USP8: variants seen among roughly 807,000 people sequenced by gnomAD.
USP8 encodes the protein ubiquitin specific peptidase 8.
Under a neutral mutation model 130.0 loss-of-function variants are expected in USP8, and 27 were observed. The observed-to-expected ratio is 0.21, with a 90% CI of 0.15 to 0.29. The LOEUF is 0.29. Ranked by LOEUF, USP8 falls within the 10% of genes least tolerant of loss-of-function variation. The pLI is 1.00. For missense variants in USP8, 1,029 were observed against 1,312.2 expected, an observed-to-expected ratio of 0.78 and a Z score of 3.33; for synonymous variants, 392 against 444.1, an observed-to-expected ratio of 0.88 and a Z score of 1.48.
At chr15:50,497,396 C>T in intron 18 of USP8, 165 bp downstream of exon 18, 1 of 741,264 alleles carries the variant, frequency 1.3e-6, no homozygotes, top group South Asian at 3.6e-5. Flanking sequence ...ACTGTTAGTT[C>T]ACCTCAGTGT....
chr15:50,441,270 A>G, intron 2 of USP8, 79 bp from the exon 3 acceptor site: 2 of 1,343,280 alleles, frequency 1.5e-6, no homozygotes, highest in South Asian at 3.3e-5. Flanking sequence ...GATAAAGATT[A>G]TCTGTGGACT....
At position 50,457,323 on chromosome 15, in the gene USP8, C is replaced by T. The variant is rs548127415; in HGVS notation, c.336-1677C>T. On this transcript the variant is annotated intron_variant, in intron 4 of 19. Transcript: ENST00000307179. Reference sequence around the variant, plus strand: ...CTGTAATCTCAGCCTTTTGGGAGGCCGAGGCAGGTGGATCACCTGAGGTCA... The same window carrying T: ...CTGTAATCTCAGCCTTTTGGGAGGCTGAGGCAGGTGGATCACCTGAGGTCA... Among the ~76,000 whole-genome samples, 20 of 151,820 alleles carry T rather than the reference C, an allele frequency of 1.3e-4. No individual in the cohort carries two copies. In the East Asian group the frequency reaches 1.4e-3, roughly 10 times the overall value.
At chr15:50,467,134 A>T (rs1343624045) in intron 7 of USP8, 2 of 328,448 alleles carry the variant, frequency 6.1e-6, no homozygotes, top group East Asian at 1.3e-4. Flanking sequence ...ACTGGTTGTT[A>T]AAAATATATA....
rs921750804 is a variant in USP8 at position 50,508,277 on chromosome 15, A to G, written c.*9189A>G. 1.2e-4 allele frequency: 18 copies of G among 152,224 alleles called. 1 individual carries two copies. The highest frequency in any genetic ancestry group is 6.2e-4 in the South Asian group (3 of 4,820). 9.4% of individuals were successfully genotyped at this position (152,224 alleles called of 1,614,324 possible). ...AGTAATGAAAATACTATATCAAAACATGGGATGCACTGATGTCTGAGAATG... is the reference window on the plus strand; with the variant it reads ...AGTAATGAAAATACTATATCAAAACGTGGGATGCACTGATGTCTGAGAATG... On this transcript the variant is annotated 3_prime_UTR_variant, in exon 20 of 20. Coordinates refer to ENST00000307179, the MANE Select transcript of USP8 (RefSeq NM_005154.5).
intron 3 of USP8, among the ~76,000 whole-genome samples, chr15:50,445,678 C>G (rs951974715): frequency 6.6e-6 from 1 of 150,438 alleles, no homozygotes; most frequent in African/African-American, 2.4e-5. Flanking sequence ...GGTGAAACCC[C>G]ATCTCTACTA....
At position 50,495,962 on chromosome 15, in the gene USP8, C is replaced by G; in HGVS notation, c.2773C>G (p.Leu925Val). Residue 925 changes from leucine (L) to valine (V), a missense_variant, in exon 17 of 20, where the codon CTT becomes GTT. Coordinates refer to ENST00000307179, the MANE Select transcript of USP8 (RefSeq NM_005154.5). Reference sequence around the variant, plus strand: ...GCTCAATGAGTCTATTATTGTTGCACTTTTTCAGGGTCAATTCAAATCTAC... The same window carrying G: ...GCTCAATGAGTCTATTATTGTTGCAGTTTTTCAGGGTCAATTCAAATCTAC... ...KQLNESIIVALFQGQFKSTVQ... is the reference protein window; with the variant it reads ...KQLNESIIVAVFQGQFKSTVQ... The G allele has an allele frequency of 1.2e-6, 2 of 1,613,864 alleles. No homozygotes were observed. Among genetic ancestry groups the G allele is most frequent in the Non-Finnish European group, 1.7e-6 (2 of 1,180,016 alleles).
rs56369706 is a variant in USP8 at position 50,445,569 on chromosome 15, A to AAAAAAAAAAAAAAAT, written c.250-3831_250-3830insAAAAAAAAAAAAAAT. Among the ~76,000 whole-genome samples, 21 of 128,386 alleles carry AAAAAAAAAAAAAAAT rather than the reference A, an allele frequency of 1.6e-4. 1 individual carries two copies. The East Asian group carries it at 5.4e-3, about 33-fold the overall frequency. 84.2% of individuals were successfully genotyped at this position (128,386 alleles called of 152,430 possible). On this transcript the variant is annotated intron_variant, in intron 3 of 19. Transcript: ENST00000307179. The stretch of plus-strand genomic sequence containing the variant: ...TCAAAAAAAAAAAAAAAAAAAAAAA[A>AAAAAAAAAAAAAAAT]GCCTGGGCACAGTGGCTCACGCCTG...
rs58329541 is a variant in USP8 at position 50,506,957 on chromosome 15, C to CAAAAAAAAAAAAAAA, written c.*7888_*7902dup. ...TGGGCGACAGAGCGAGACTTCATCT[C>CAAAAAAAAAAAAAAA]AAAAAAAAAAAAAAAAAAAAAAAAA... is the stretch of plus-strand genomic sequence containing the variant. On this transcript the variant is annotated 3_prime_UTR_variant, in exon 20 of 20. Coordinates refer to ENST00000307179, the MANE Select transcript of USP8 (RefSeq NM_005154.5). 8.7e-5 allele frequency: 4 copies of CAAAAAAAAAAAAAAA among 46,224 alleles called. No homozygotes were observed. The highest frequency in any genetic ancestry group is 3.8e-4 in the African/African-American group (4 of 10,548). The allele number at this position is 46,224 out of a possible 1,614,324, so 2.9% of individuals were successfully genotyped here.
At chr15:50,492,674 A>G in intron 14 of USP8, 27 bp from the exon 15 acceptor site, 1 of 1,605,494 alleles carries the variant, frequency 6.2e-7, no homozygotes, top group African/African-American at 1.3e-5. Context: ...GCATTTTAAG[A>G]CATCTTGTAT....
At chr15:50,488,755 T>C (rs2052052754) in intron 12 of USP8, among the ~76,000 whole-genome samples, 1 of 150,680 alleles carries the variant, frequency 6.6e-6, no homozygotes, top group African/African-American at 2.4e-5. Context: ...TTTTTTTTAG[T>C]AGAGATGGGG....
intron 8 of USP8, among the ~76,000 whole-genome samples, chr15:50,473,266 G>C (rs771166650): frequency 6.6e-6 from 1 of 152,064 alleles, no homozygotes; most frequent in Non-Finnish European, 1.5e-5. Flanking sequence ...GGATATTCAA[G>C]TTTCTTACAT....
At chr15:50,485,161 G>A (rs1369338643) in intron 12 of USP8, among the ~76,000 whole-genome samples, 1 of 152,106 alleles carries the variant, frequency 6.6e-6, no homozygotes, top group Non-Finnish European at 1.5e-5. Context: ...TAAATACATA[G>A]GCTTTGTATA....
At chr15:50,475,855 G>A (rs576136841) in intron 8 of USP8, among the ~76,000 whole-genome samples, 1 of 151,996 alleles carries the variant, frequency 6.6e-6, no homozygotes, top group Admixed American at 6.6e-5. Flanking sequence ...CTCCCGCCTC[G>A]GCCTTCCAAA....
intron 10 of USP8, among the ~76,000 whole-genome samples, chr15:50,479,081 C>A (rs1321038025): frequency 6.6e-6 from 1 of 151,774 alleles, no homozygotes; most frequent in Non-Finnish European, 1.5e-5. Context: ...AATAAGACAG[C>A]ATGAAAGTTT....
rs760582127 is a variant in USP8, at chr15:50,492,938, A to ATT, written c.2447+26_2447+27dup. 4 of 1,593,930 alleles carry ATT rather than the reference A, an allele frequency of 2.5e-6. No individual in the cohort carries two copies. The South Asian group carries it at 3.3e-5, about 13-fold the overall frequency. ...GGTAAATACATGTCATACTTTTTGC[A>ATT]TTATAATGCTAAAAGGATGATCTAA... On this transcript the variant is annotated intron_variant, in intron 15 of 19. Coordinates refer to ENST00000307179, the MANE Select transcript of USP8 (RefSeq NM_005154.5).
chr15:50,472,460 A>T (rs754075117), intron 8 of USP8, among the ~76,000 whole-genome samples: 1 of 151,420 alleles, frequency 6.6e-6, no homozygotes, highest in African/African-American at 2.4e-5. Flanking sequence ...AGCCGGGCGC[A>T]GTGGCGGGGG....
intron 8 of USP8, among the ~76,000 whole-genome samples, chr15:50,474,326 A>G (rs538710636): frequency 8.8e-4 from 134 of 152,302 alleles, no homozygotes; most frequent in South Asian, 1.9e-3. Context: ...ATTAACAATG[A>G]TAGCACTGAA....
At chr15:50,472,994 A>T (rs778158453) in intron 8 of USP8, among the ~76,000 whole-genome samples, 3 of 152,212 alleles carry the variant, frequency 2.0e-5, no homozygotes, top group Non-Finnish European at 4.4e-5. Context: ...AATACCTAAA[A>T]TCCAAAGAGC....
At position 50,513,671 on chromosome 15, in the gene USP8, A is replaced by G. The variant is rs1022180824; in HGVS notation, c.*14583A>G. On this transcript the variant is annotated 3_prime_UTR_variant, in exon 20 of 20. Transcript: ENST00000307179. Reference sequence around the variant, plus strand: ...AAAAGACTTGTTTAGGCATTTCACAAAAGAAAGTATACAAATTTAAGTAGT... The same window carrying G: ...AAAAGACTTGTTTAGGCATTTCACAGAAGAAAGTATACAAATTTAAGTAGT... 2 of 152,202 alleles carry G rather than the reference A, an allele frequency of 1.3e-5. No homozygotes were observed. Among genetic ancestry groups the G allele is most frequent in the Non-Finnish European group, 2.9e-5 (2 of 68,032 alleles). The allele number at this position is 152,202 out of a possible 1,614,324, so 9.4% of individuals were successfully genotyped here.
Sources: gnomAD v4.1 joint callset for allele counts (sites outside exome capture counted in the v4.1 genomes callset) on GRCh38, gnomAD v4.1.1 for gene constraint, MANE v1.5 for transcripts, NCBI Gene and HGNC (gene_info 2026-07-23, HGNC 2026-07-21) for gene names.